Variants in FAM171A1 observed in about 807,000 individuals in gnomAD.
FAM171A1 encodes the protein family with sequence similarity 171 member A1, also known as protein FAM171A1.
FAM171A1 carries 23 observed loss-of-function variants against 74.9 expected under a neutral mutation model. The ratio of observed to expected loss-of-function variants is 0.31; its 90% CI spans 0.22 to 0.44. The LOEUF (loss-of-function observed/expected upper bound fraction) is 0.44, where lower values mean the gene tolerates loss of function less well. Among genes scored for constraint, FAM171A1 ranks in the 20% least tolerant of loss-of-function variants. FAM171A1 has a pLI of 1.00. For missense variants in FAM171A1, 1,162 were observed against 1,159.2 expected, an observed-to-expected ratio of 1.00 and a Z score of -0.03; for synonymous variants, 527 against 505.7, an observed-to-expected ratio of 1.04 and a Z score of -0.57.
chr10:15,280,833 AG>A (rs1302561913), intron 2 of FAM171A1, among the ~76,000 whole-genome samples: 2 of 152,360 alleles, frequency 1.3e-5, no homozygotes, highest in Admixed American at 6.5e-5. Context: ...TATGCACAAA[AG>A]CAAATTGACT....
intron 2 of FAM171A1, among the ~76,000 whole-genome samples, chr10:15,276,751 T>C (rs1360109341): frequency 6.6e-6 from 1 of 152,028 alleles, no homozygotes; most frequent in Non-Finnish European, 1.5e-5. Context: ...GTGGCACGGT[T>C]AGAACTCACT....
chr10:15,362,521 T>C (rs964817815), intron 1 of FAM171A1, among the ~76,000 whole-genome samples: 3 of 152,082 alleles, frequency 2.0e-5, no homozygotes, highest in Non-Finnish European at 4.4e-5. Context: ...GGCTGGCCCG[T>C]CTCTACTAAA....
At chr10:15,317,474 G>C (rs1279879211) in intron 1 of FAM171A1, among the ~76,000 whole-genome samples, 1 of 151,848 alleles carries the variant, frequency 6.6e-6, no homozygotes, top group African/African-American at 2.4e-5. Flanking sequence ...CAGCTTCTAC[G>C]ACCTCCACTT....
intron 2 of FAM171A1, among the ~76,000 whole-genome samples, chr10:15,279,668 T>G (rs1222245282): frequency 6.6e-6 from 1 of 152,050 alleles, no homozygotes; most frequent in Non-Finnish European, 1.5e-5. Context: ...GTCTGTAATC[T>G]CAGCACTTTG....
intron 5 of FAM171A1, among the ~76,000 whole-genome samples, chr10:15,228,255 C>A (rs756697795): frequency 4.6e-5 from 7 of 151,724 alleles, no homozygotes; most frequent in Non-Finnish European, 8.8e-5. Context: ...AAAGATCGGA[C>A]CTGAATCTCA....
chr10:15,311,464 C>T (rs2131837894), intron 1 of FAM171A1, among the ~76,000 whole-genome samples: 1 of 152,272 alleles, frequency 6.6e-6, no homozygotes, highest in Non-Finnish European at 1.5e-5. Context: ...GTAACCTTCG[C>T]CTTCCCTGGG....
rs1480832259 is a variant in FAM171A1 at position 15,212,306 on chromosome 10, GA to G, written c.*608del. 1.3e-5 allele frequency: 2 copies of G among 154,414 alleles called. No homozygotes were observed. The highest frequency in any genetic ancestry group is 2.9e-5 in the Non-Finnish European group (2 of 69,352). 9.6% of individuals were successfully genotyped at this position (154,414 alleles called of 1,614,324 possible). On this transcript the variant is annotated 3_prime_UTR_variant, in exon 8 of 8. Transcript: ENST00000378116. Reference sequence around the variant, plus strand: ...GGGAGACGCTGAGATGGACCGCTGAGAAGCGGAACAGATGAACACAAAGGAA... The same window carrying G: ...GGGAGACGCTGAGATGGACCGCTGAGAGCGGAACAGATGAACACAAAGGAA...
At chr10:15,362,683 C>T (rs185336327) in intron 1 of FAM171A1, among the ~76,000 whole-genome samples, 11 of 152,334 alleles carry the variant, frequency 7.2e-5, no homozygotes, top group African/African-American at 2.4e-4. Flanking sequence ...GAGAGGGTGC[C>T]ACTGCACTCC....
At chr10:15,337,049 T>A (rs1031173947) in intron 1 of FAM171A1, among the ~76,000 whole-genome samples, 11 of 151,906 alleles carry the variant, frequency 7.2e-5, no homozygotes, top group African/African-American at 1.7e-4. Flanking sequence ...TGGCTATTTT[T>A]TTTTTTTTTT....
At position 15,256,782 on chromosome 10, in the gene FAM171A1, C is replaced by T. The variant is rs77595277; in HGVS notation, c.419-1903G>A. ...TCAAATTCCTCGGGGGTCCCACAAA[C>T]GCTCTGTGTCCTGCCAGGGGCAGTC... On this transcript the variant is annotated intron_variant, in intron 3 of 7. Coordinates refer to ENST00000378116, the MANE Select transcript of FAM171A1 (RefSeq NM_001010924.2). Among the ~76,000 whole-genome samples, 1,444 of 152,300 alleles carry T rather than the reference C, an allele frequency of 9.5e-3. 5 individuals are homozygous for T. Among genetic ancestry groups the T allele is most frequent in the Admixed American group, 0.018 (274 of 15,298 alleles).
chr10:15,304,894 G>A (rs552784748), intron 1 of FAM171A1, among the ~76,000 whole-genome samples: 9 of 152,192 alleles, frequency 5.9e-5, no homozygotes, highest in South Asian at 2.1e-4. Context: ...GCGCCACCAC[G>A]TCTGGCTAAT....
At chr10:15,291,829 C>G (rs114984486) in intron 1 of FAM171A1, among the ~76,000 whole-genome samples, 1 of 152,148 alleles carries the variant, frequency 6.6e-6, no homozygotes. Flanking sequence ...CACTCTCCCC[C>G]AGATACCCAG....
At chr10:15,298,506 G>C (rs1222355415) in intron 1 of FAM171A1, among the ~76,000 whole-genome samples, 1 of 152,056 alleles carries the variant, frequency 6.6e-6, no homozygotes, top group Admixed American at 6.6e-5. Flanking sequence ...TATGAAAATA[G>C]GATTACTGTA....
At chr10:15,286,181 G>A (rs960321726) in intron 1 of FAM171A1, among the ~76,000 whole-genome samples, 1 of 152,166 alleles carries the variant, frequency 6.6e-6, no homozygotes, top group Non-Finnish European at 1.5e-5. Context: ...ATGGTGCTTG[G>A]GGATACCAGA....
intron 5 of FAM171A1, 67 bp from the exon 6 acceptor site, chr10:15,221,127 T>C (rs1834034445): frequency 2.3e-6 from 3 of 1,328,018 alleles, no homozygotes; most frequent in Non-Finnish European, 3.2e-6. Flanking sequence ...TTGAGCATAT[T>C]GTAAAAGTCA....
At chr10:15,245,864 G>C (rs1014098462) in intron 5 of FAM171A1, among the ~76,000 whole-genome samples, 3 of 152,270 alleles carry the variant, frequency 2.0e-5, no homozygotes, top group African/African-American at 7.2e-5. Context: ...GGGACTCACA[G>C]TTTTATAAGT....
In FAM171A1 at chr10:15,233,121, C is replaced by T. The variant is rs557177101; in HGVS notation, c.755-12061G>A. 5.3e-5 allele frequency among the ~76,000 whole-genome samples: 8 copies of T among 152,072 alleles called. No homozygotes were observed. In the South Asian group the frequency reaches 6.2e-4, roughly 12 times the overall value. On this transcript the variant is annotated intron_variant, in intron 5 of 7. Transcript: ENST00000378116. ...CATCCTGGCTAACACGGTGAAACCC[C>T]GTTTCTACTAAAAAATACAAAAAAT...
chr10:15,324,668 A>G (rs934376958), intron 1 of FAM171A1, among the ~76,000 whole-genome samples: 2 of 152,142 alleles, frequency 1.3e-5, no homozygotes, highest in Non-Finnish European at 2.9e-5. Flanking sequence ...GAGGTTTCCT[A>G]CTGACAATCT....
intron 3 of FAM171A1, among the ~76,000 whole-genome samples, chr10:15,268,591 G>C (rs1439918625): frequency 6.6e-6 from 1 of 152,008 alleles, no homozygotes; most frequent in Non-Finnish European, 1.5e-5. Flanking sequence ...GTCATCCAAG[G>C]CCCCATTTCA....
Sources: gnomAD v4.1 joint callset for allele counts (sites outside exome capture counted in the v4.1 genomes callset) on GRCh38, gnomAD v4.1.1 for gene constraint, MANE v1.5 for transcripts, NCBI Gene and HGNC (gene_info 2026-07-23, HGNC 2026-07-21) for gene names.